ESRRG: variants seen among roughly 807,000 people sequenced by gnomAD.
ESRRG encodes estrogen-related receptor gamma.
In ESRRG, 13 loss-of-function variants were observed where a neutral mutation model predicts 44.0. The observed-to-expected ratio is 0.30, with a 90% CI of 0.19 to 0.47. The LOEUF is 0.47. Among genes scored for constraint, ESRRG ranks in the 20% least tolerant of loss-of-function variants. ESRRG has a pLI of 1.00. For synonymous variants in ESRRG, 215 were observed against 214.6 expected, an observed-to-expected ratio of 1.00 and a Z score of -0.02; for missense variants, 395 against 580.6, an observed-to-expected ratio of 0.68 and a Z score of 3.29.
chr1:216,932,396 G>T (rs1018385980), intron 2 of ESRRG, among the ~76,000 whole-genome samples: 4 of 152,224 alleles, frequency 2.6e-5, no homozygotes, highest in African/African-American at 7.2e-5. Flanking sequence ...AATTGTAAAA[G>T]ATCTTCAGCT....
chr1:216,983,030 T>G (rs1014117822), intron 1 of ESRRG, among the ~76,000 whole-genome samples: 1 of 67,648 alleles, frequency 1.5e-5, no homozygotes, highest in African/African-American at 5.9e-5. Context: ...GACTTTGAAC[T>G]GTTTTTTTTT....
At chr1:216,853,321 G>A (rs956815631) in intron 2 of ESRRG, among the ~76,000 whole-genome samples, 1 of 152,136 alleles carries the variant, frequency 6.6e-6, no homozygotes, top group Admixed American at 6.6e-5. Context: ...CTGCCAGTTC[G>A]CTCTGAAATA....
chr1:216,841,111 C>A (rs2095646238), intron 2 of ESRRG, among the ~76,000 whole-genome samples: 2 of 152,130 alleles, frequency 1.3e-5, no homozygotes, highest in South Asian at 2.1e-4. Flanking sequence ...CAAGGTATAC[C>A]TGTAGTCATC....
intron 2 of ESRRG, among the ~76,000 whole-genome samples, chr1:216,668,627 C>A (rs1023624515): frequency 2.6e-5 from 4 of 152,106 alleles, no homozygotes; most frequent in African/African-American, 9.7e-5. Flanking sequence ...TGATTTTGCA[C>A]AACCCAAAGA....
chr1:216,837,013 G>A (rs541939841), intron 2 of ESRRG, among the ~76,000 whole-genome samples: 3 of 152,068 alleles, frequency 2.0e-5, no homozygotes, highest in South Asian at 2.1e-4. Context: ...AGTACTGGAC[G>A]GATCAAACAT....
At chr1:217,081,453 C>T (rs2091766903) in intron 1 of ESRRG, among the ~76,000 whole-genome samples, 1 of 151,838 alleles carries the variant, frequency 6.6e-6, no homozygotes, top group Non-Finnish European at 1.5e-5. Context: ...TCTCGAACTC[C>T]CGACCTCAGG....
intron 2 of ESRRG, among the ~76,000 whole-genome samples, chr1:216,905,414 C>A (rs1013920615): frequency 2.6e-5 from 4 of 152,172 alleles, no homozygotes; most frequent in Middle Eastern, 3.2e-3. Context: ...ACAGGATCAG[C>A]TCCTCCTCCT....
chr1:216,806,097 T>G (rs898909716), intron 2 of ESRRG, among the ~76,000 whole-genome samples: 1 of 152,200 alleles, frequency 6.6e-6, no homozygotes, highest in Admixed American at 6.5e-5. Flanking sequence ...CAAGGCTGCC[T>G]CCTAATAGCT....
chr1:216,898,033 C>T (rs1315471697), intron 2 of ESRRG, among the ~76,000 whole-genome samples: 1 of 152,204 alleles, frequency 6.6e-6, no homozygotes, highest in East Asian at 1.9e-4. Flanking sequence ...TAAACCACCA[C>T]TTCGCAAATT....
intron 2 of ESRRG, among the ~76,000 whole-genome samples, chr1:216,824,180 C>T (rs2095350676): frequency 6.6e-6 from 1 of 152,118 alleles, no homozygotes; most frequent in African/African-American, 2.4e-5. Flanking sequence ...GGCACGGTGG[C>T]TCATGCCTGT....
intron 1 of ESRRG, among the ~76,000 whole-genome samples, chr1:217,046,631 C>A (rs2084926692): frequency 6.6e-6 from 1 of 152,086 alleles, no homozygotes; most frequent in Admixed American, 6.6e-5. Flanking sequence ...GGCCTGTAAT[C>A]CCAACACTTC....
At chr1:216,509,310 C>A (rs1366413089) in intron 6 of ESRRG, among the ~76,000 whole-genome samples, 1 of 152,152 alleles carries the variant, frequency 6.6e-6, no homozygotes, top group South Asian at 2.1e-4. Flanking sequence ...GAAGACATTG[C>A]CAGTTGTATG....
At chr1:216,827,031 C>T (rs2095409631) in intron 2 of ESRRG, among the ~76,000 whole-genome samples, 1 of 151,810 alleles carries the variant, frequency 6.6e-6, no homozygotes, top group Admixed American at 6.6e-5. Flanking sequence ...GCTTCAAGAC[C>T]AAAAGAAAAA....
At chr1:216,750,769 A>ATTTT (rs1349093774) in intron 2 of ESRRG, among the ~76,000 whole-genome samples, 2 of 139,504 alleles carry the variant, frequency 1.4e-5, no homozygotes, top group African/African-American at 5.2e-5. Context: ...CCTTTTTTTA[A>ATTTT]AAAAAAACTC....
chr1:216,989,345 A>T (rs73099455), intron 1 of ESRRG, among the ~76,000 whole-genome samples: 8,423 of 149,060 alleles, frequency 0.057, 741 homozygotes, highest in African/African-American at 0.19. Flanking sequence ...CCAGCTACTC[A>T]GGAGGCTGAA....
intron 2 of ESRRG, among the ~76,000 whole-genome samples, chr1:216,902,394 C>T (rs148378973): frequency 0.014 from 2,062 of 151,548 alleles, 57 homozygotes; most frequent in African/African-American, 0.048. Flanking sequence ...GAGGCTGAGG[C>T]AGGAGAATCC....
intron 2 of ESRRG, among the ~76,000 whole-genome samples, chr1:216,836,740 G>A (rs1208909839): frequency 6.6e-6 from 1 of 152,152 alleles, no homozygotes; most frequent in Non-Finnish European, 1.5e-5. Context: ...AGCCCAGCAT[G>A]CAAACATTTT....
chr1:217,089,563 G>A (rs1414284237), exon 1 of ESRRG: 4 of 152,252 alleles, frequency 2.6e-5, no homozygotes, highest in Non-Finnish European at 4.4e-5. Flanking sequence ...GGATTTTAAA[G>A]AAGCCGAAGC....
chr1:216,755,527 A>T (rs563536846), intron 2 of ESRRG, among the ~76,000 whole-genome samples: 1 of 152,222 alleles, frequency 6.6e-6, no homozygotes, highest in South Asian at 2.1e-4. Flanking sequence ...ATAGCATATT[A>T]TACTGTGGTT....
Sources: gnomAD v4.1 joint callset for allele counts (sites outside exome capture counted in the v4.1 genomes callset) on GRCh38, gnomAD v4.1.1 for gene constraint, MANE v1.5 for transcripts, NCBI Gene and HGNC (gene_info 2026-07-23, HGNC 2026-07-21) for gene names.